The following EHBP1 variants were observed in gnomAD, a reference collection of about 807,000 sequenced individuals.
EHBP1 encodes EH domain binding protein 1, also known as EH domain-binding protein 1.
In EHBP1, 55 loss-of-function variants were observed where a neutral mutation model predicts 144.0. The observed-to-expected ratio is 0.38, with a 90% CI of 0.31 to 0.48. The LOEUF is 0.48. Ranked by LOEUF, EHBP1 falls within the 20% of genes least tolerant of loss-of-function variation. EHBP1 has a pLI of 0.98. For missense variants in EHBP1, 1,200 were observed against 1,364.2 expected (o/e 0.88, Z 1.90); for synonymous variants, 469 against 472.7 (o/e 0.99, Z 0.10).
intron 21 of EHBP1, among the ~76,000 whole-genome samples, chr2:63,043,425 GT>G (rs1444701656): frequency 6.6e-6 from 1 of 152,030 alleles, no homozygotes; most frequent in Non-Finnish European, 1.5e-5. Context: ...AAGTATTTGT[GT>G]GGTTTTATAT....
At chr2:62,940,436 C>A (rs530460639) in intron 10 of EHBP1, among the ~76,000 whole-genome samples, 1 of 152,164 alleles carries the variant, frequency 6.6e-6, no homozygotes, top group African/African-American at 2.4e-5. Context: ...TACTACAACC[C>A]TATGAGATAT....
At chr2:62,932,273 C>T (rs1029955061) in intron 10 of EHBP1, among the ~76,000 whole-genome samples, 1 of 151,702 alleles carries the variant, frequency 6.6e-6, no homozygotes, top group African/African-American at 2.4e-5. Context: ...TTTGCACACC[C>T]ATGTTCATAG....
At chr2:62,947,357 C>T (rs1224156242) in intron 12 of EHBP1, among the ~76,000 whole-genome samples, 1 of 152,162 alleles carries the variant, frequency 6.6e-6, no homozygotes, top group Admixed American at 6.5e-5. Flanking sequence ...GATTCATTCT[C>T]AATTGTTACA....
intron 5 of EHBP1, among the ~76,000 whole-genome samples, chr2:62,799,003 CAAAA>C (rs757731955): frequency 7.8e-5 from 6 of 76,786 alleles, no homozygotes; most frequent in Non-Finnish European, 1.2e-4. Flanking sequence ...GACTCCGTCT[CAAAA>C]AAAAAAAAAA....
At chr2:62,733,339 G>C (rs1284441238) in intron 2 of EHBP1, among the ~76,000 whole-genome samples, 1 of 152,086 alleles carries the variant, frequency 6.6e-6, no homozygotes, top group African/African-American at 2.4e-5. Context: ...AATCTCCTCT[G>C]TTGTCTTGTA....
chr2:62,876,325 C>T (rs923392042), intron 10 of EHBP1, among the ~76,000 whole-genome samples: 1 of 152,182 alleles, frequency 6.6e-6, no homozygotes, highest in African/African-American at 2.4e-5. Context: ...AGCCTATATT[C>T]AGCATTCATA....
rs541190241 is a variant in EHBP1 at position 62,883,688 on chromosome 2, G to A, written c.1185+9156G>A. On this transcript the variant is annotated intron_variant, in intron 10 of 22. Transcript: ENST00000431489. ...ATAGTATTAATAGACTGCTAGCCAG[G>A]CACAGTGGCTGATGCCTGTCATACC... Among the ~76,000 whole-genome samples the A allele has an allele frequency of 2.0e-5, 3 of 152,312 alleles. No homozygotes were observed. In the South Asian group the frequency reaches 6.2e-4, roughly 32 times the overall value.
chr2:62,987,075 T>C (rs569315237), intron 15 of EHBP1, among the ~76,000 whole-genome samples: 7 of 152,294 alleles, frequency 4.6e-5, no homozygotes, highest in South Asian at 2.1e-4. Context: ...GCCTGTCTGT[T>C]GGATAGAAAT....
chr2:62,699,659 A>G (rs1169266021), intron 1 of EHBP1, among the ~76,000 whole-genome samples: 1 of 152,220 alleles, frequency 6.6e-6, no homozygotes, highest in African/African-American at 2.4e-5. Flanking sequence ...GCCAACGTTT[A>G]CAGTTGTCAT....
intron 5 of EHBP1, among the ~76,000 whole-genome samples, chr2:62,816,876 T>C (rs1323776559): frequency 6.6e-6 from 1 of 152,156 alleles, no homozygotes; most frequent in African/African-American, 2.4e-5. Flanking sequence ...TTGCTCCATT[T>C]CTCCACACAC....
intron 7 of EHBP1, among the ~76,000 whole-genome samples, chr2:62,837,323 A>G (rs1194066322): frequency 3.4e-5 from 5 of 145,956 alleles, no homozygotes; most frequent in African/African-American, 1.3e-4. Flanking sequence ...CTGCCCTAAA[A>G]GAGCTCCTGA....
chr2:62,868,817 G>A (rs191160619), intron 9 of EHBP1, among the ~76,000 whole-genome samples: 1 of 151,954 alleles, frequency 6.6e-6, no homozygotes, highest in African/African-American at 2.4e-5. Flanking sequence ...AGCTGGGTGT[G>A]ATAGTGCACA....
intron 3 of EHBP1, among the ~76,000 whole-genome samples, chr2:62,755,160 C>G (rs193280301): frequency 6.6e-6 from 1 of 152,170 alleles, no homozygotes; most frequent in Non-Finnish European, 1.5e-5. Context: ...TGTTCCTCTT[C>G]TAGGCAGTTC....
chr2:62,750,575 G>A lies in EHBP1; in HGVS notation c.162+3123G>A, dbSNP rs190966871. Among the ~76,000 whole-genome samples the A allele has an allele frequency of 2.4e-4, 37 of 152,314 alleles. No homozygotes were observed. The East Asian group carries it at 6.7e-3, about 28-fold the overall frequency. ...TTGAATCTATAAATTACCTTGGGCA[G>A]TATGGCCATTTTCATGATATTCATT... is the stretch of plus-strand genomic sequence containing the variant. On this transcript the variant is annotated intron_variant, in intron 3 of 22. Transcript: ENST00000431489.
chr2:62,941,780 G>A (rs2056769116), intron 10 of EHBP1, among the ~76,000 whole-genome samples: 1 of 152,032 alleles, frequency 6.6e-6, no homozygotes, highest in Admixed American at 6.5e-5. Flanking sequence ...ATAATAGCTA[G>A]CACTTTTAAT....
At chr2:63,042,933 A>AAAC (rs2061731456) in intron 21 of EHBP1, among the ~76,000 whole-genome samples, 1 of 152,060 alleles carries the variant, frequency 6.6e-6, no homozygotes, top group African/African-American at 2.4e-5. Context: ...GCTGTTAGCA[A>AAAC]AATGGTTTCG....
intron 10 of EHBP1, among the ~76,000 whole-genome samples, chr2:62,926,991 T>C (rs1225681089): frequency 6.6e-6 from 1 of 152,146 alleles, no homozygotes; most frequent in Admixed American, 6.6e-5. Flanking sequence ...ATATACGTCA[T>C]GGAATACTAT....
chr2:62,915,726 T>A (rs199991215), intron 10 of EHBP1, among the ~76,000 whole-genome samples: 6 of 151,930 alleles, frequency 3.9e-5, no homozygotes, highest in Admixed American at 6.6e-5. Context: ...AAATTTTTTT[T>A]AAAATAATTG....
chr2:62,978,887 G>A, intron 14 of EHBP1, among the ~76,000 whole-genome samples: 1 of 152,204 alleles, frequency 6.6e-6, no homozygotes, highest in South Asian at 2.1e-4. Context: ...ACTTTTTTCT[G>A]TAAGCTGGAT....
Sources: allele counts gnomAD v4.1 joint callset (sites outside exome capture counted in the v4.1 genomes callset), GRCh38; gene constraint gnomAD v4.1.1; transcripts MANE v1.5; gene names NCBI Gene and HGNC (gene_info 2026-07-23, HGNC 2026-07-21).